SUFU: variants seen among roughly 807,000 people sequenced by gnomAD.
SUFU encodes SUFU negative regulator of hedgehog signaling, also known as suppressor of fused homolog.
A neutral mutation model predicts 58.9 loss-of-function variants in SUFU; 7 were observed. That is an observed-to-expected ratio of 0.12 (90% CI 0.07 to 0.22). The LOEUF is 0.22. Among genes scored for constraint, SUFU ranks in the 10% least tolerant of loss-of-function variants. The pLI is 1.00. For missense variants in SUFU, 451 were observed against 641.3 expected (o/e 0.70, Z 3.20); for synonymous variants, 232 against 254.8 (o/e 0.91, Z 0.85).
At chr10:102,513,232 T>A (rs1428065764) in intron 2 of SUFU, among the ~76,000 whole-genome samples, 1 of 152,210 alleles carries the variant, frequency 6.6e-6, no homozygotes. Context: ...AATGACTTAA[T>A]GAATCCTCAT....
At chr10:102,626,717 T>C (rs1466570897) in intron 10 of SUFU, among the ~76,000 whole-genome samples, 2 of 152,206 alleles carry the variant, frequency 1.3e-5, no homozygotes, top group African/African-American at 2.4e-5. Context: ...CAGATAGGGC[T>C]TGTATTCCAA....
intron 2 of SUFU, among the ~76,000 whole-genome samples, chr10:102,527,072 A>G (rs1055180139): frequency 7.4e-6 from 1 of 135,460 alleles, no homozygotes; most frequent in African/African-American, 2.8e-5. Context: ...GTGCGATCTC[A>G]GCTCACTGCA....
rs10748822 is a variant in SUFU, at chr10:102,509,043, G to C, written c.183-126G>C. 1,348,081 of 1,349,584 alleles carry C rather than the reference G, an allele frequency of 1. 673,299 individuals carry two copies. Among genetic ancestry groups the C allele is most frequent in the Non-Finnish European group, 1 (948,280 of 948,548 alleles). 83.6% of individuals were successfully genotyped at this position (1,349,584 alleles called of 1,614,324 possible). Reference sequence around the variant, plus strand: ...CTCATTCTGGAGAGATGTGGCCTCTGTTTAGTTACCTTTCACCCAGGTTCC... The same window carrying C: ...CTCATTCTGGAGAGATGTGGCCTCTCTTTAGTTACCTTTCACCCAGGTTCC... On this transcript the variant is annotated intron_variant, in intron 1 of 11. Transcript: ENST00000369902.
intron 2 of SUFU, among the ~76,000 whole-genome samples, chr10:102,543,332 C>T (rs1174528449): frequency 1.1e-4 from 17 of 152,034 alleles, no homozygotes; most frequent in Non-Finnish European, 8.8e-5. Context: ...TTGTCTTATG[C>T]TTAAGGGATA....
intron 3 of SUFU, among the ~76,000 whole-genome samples, chr10:102,551,874 G>A (rs541366431): frequency 4.0e-5 from 6 of 149,592 alleles, no homozygotes; most frequent in South Asian, 2.2e-4. Context: ...ACAGGTGCCC[G>A]CCACCACGCC....
chr10:102,632,590 G>A lies in SUFU; in HGVS notation c.*2435G>A, dbSNP rs1324910765. The A allele has an allele frequency of 4.3e-6, 1 of 233,268 alleles. No individual in the cohort carries two copies. Among genetic ancestry groups the A allele is most frequent in the Non-Finnish European group, 8.5e-6 (1 of 118,132 alleles). The allele number at this position is 233,268 out of a possible 1,614,324, so 14.4% of individuals were successfully genotyped here. ...CTGACCTTGGACCCTGTCCAGCACA[G>A]CTTCTGGCACAGGATGCTTGGTGAA... On this transcript the variant is annotated 3_prime_UTR_variant, in exon 12 of 12. Coordinates refer to ENST00000369902, the MANE Select transcript of SUFU (RefSeq NM_016169.4).
intron 3 of SUFU, among the ~76,000 whole-genome samples, chr10:102,587,952 G>A (rs571043131): frequency 1.3e-5 from 2 of 152,326 alleles, no homozygotes; most frequent in East Asian, 3.9e-4. Context: ...ATTACAGTTA[G>A]GTCTGTGATC....
rs1313595676 is a variant in SUFU, at chr10:102,617,352, C to A, written c.1220C>A (p.Thr407Lys). The change falls in exon 10 of 12, where the codon ACG (threonine) becomes AAG (lysine). Residue 407 changes from threonine to lysine, a missense_variant. By Grantham distance (78) the Thr-to-Lys change is moderately conservative. Coordinates refer to ENST00000369902, the MANE Select transcript of SUFU (RefSeq NM_016169.4). This position sits in a 1 kb window ranked among gnomAD's most constrained non-coding sequence, Gnocchi z 4.4. ...YKSITGDMAI[T>K]FVSTGVEGAF... ...AGTATCACAGGTGACATGGCCATCA[C>A]GTTTGTCTCCACGGGAGTGGAAGGC... 1 of 1,614,220 alleles carries A rather than the reference C, an allele frequency of 6.2e-7. No homozygotes were observed. The highest frequency in any genetic ancestry group is 8.5e-7 in the Non-Finnish European group (1 of 1,180,042).
chr10:102,590,282 C>T (rs896307165), intron 3 of SUFU, among the ~76,000 whole-genome samples: 2 of 149,368 alleles, frequency 1.3e-5, no homozygotes, highest in African/African-American at 4.9e-5. Flanking sequence ...TCTCCTGCCT[C>T]AGCCTCCCGA....
In SUFU at chr10:102,537,003, G is replaced by A. The variant is rs533728230; in HGVS notation, c.318-12967G>A. Among the ~76,000 whole-genome samples, 4 of 152,078 alleles carry A rather than the reference G, an allele frequency of 2.6e-5. No individual in the cohort carries two copies. The South Asian group carries it at 8.3e-4, about 32-fold the overall frequency. ...TTTTTGTATTTTTAGCAGAGAGAGGGTTTCACTGTGTTGGCCAGGCTGGTC... is the reference window on the plus strand; with the variant it reads ...TTTTTGTATTTTTAGCAGAGAGAGGATTTCACTGTGTTGGCCAGGCTGGTC... On this transcript the variant is annotated intron_variant, in intron 2 of 11. Coordinates refer to ENST00000369902, the MANE Select transcript of SUFU (RefSeq NM_016169.4).
At chr10:102,527,188 G>A (rs1386603650) in intron 2 of SUFU, among the ~76,000 whole-genome samples, 1 of 151,808 alleles carries the variant, frequency 6.6e-6, no homozygotes, top group Non-Finnish European at 1.5e-5. Context: ...ATTTTTAGTA[G>A]AGACAGGGTT....
chr10:102,624,823 G>A (rs1039515901), intron 10 of SUFU, among the ~76,000 whole-genome samples: 1 of 152,144 alleles, frequency 6.6e-6, no homozygotes, highest in Admixed American at 6.5e-5. Flanking sequence ...GTCTCACTGG[G>A]TGGCCACAGC....
intron 2 of SUFU, among the ~76,000 whole-genome samples, chr10:102,536,856 G>A (rs2062745617): frequency 6.6e-6 from 1 of 151,970 alleles, no homozygotes; most frequent in Non-Finnish European, 1.5e-5. Flanking sequence ...TGTTGCCCAG[G>A]CTAGAGTGCA....
intron 1 of SUFU, among the ~76,000 whole-genome samples, chr10:102,506,515 A>G (rs1396126734): frequency 1.3e-5 from 2 of 152,150 alleles, no homozygotes; most frequent in Admixed American, 1.3e-4. Flanking sequence ...AGTAGCTGAT[A>G]TTACAGGCAC....
intron 3 of SUFU, among the ~76,000 whole-genome samples, chr10:102,568,266 C>T (rs1474660285): frequency 1.3e-5 from 2 of 150,752 alleles, no homozygotes; most frequent in South Asian, 2.1e-4. Context: ...GTCTTAAAGA[C>T]TGCATATCAG....
intron 3 of SUFU, among the ~76,000 whole-genome samples, chr10:102,578,168 C>CGTGGTGGT (rs1297510332): frequency 6.9e-6 from 1 of 144,594 alleles, no homozygotes; most frequent in Non-Finnish European, 1.5e-5. Context: ...ATTAGCTGGG[C>CGTGGTGGT]GTGGTGGTGG....
chr10:102,587,075 T>C (rs955104227), intron 3 of SUFU, among the ~76,000 whole-genome samples: 1 of 152,256 alleles, frequency 6.6e-6, no homozygotes, highest in African/African-American at 2.4e-5. Flanking sequence ...TGTGTGTAAA[T>C]ACTACATTTT....
At chr10:102,538,811 T>C (rs1203346137) in intron 2 of SUFU, among the ~76,000 whole-genome samples, 1 of 152,170 alleles carries the variant, frequency 6.6e-6, no homozygotes, top group Non-Finnish European at 1.5e-5. Context: ...ACTCTTCTTA[T>C]CTACATTTTA....
At chr10:102,518,969 C>T (rs556375951) in intron 2 of SUFU, among the ~76,000 whole-genome samples, 7 of 151,212 alleles carry the variant, frequency 4.6e-5, no homozygotes, top group African/African-American at 1.5e-4. Context: ...GAAACCCCGT[C>T]TCTACTAAAA....
Sources: allele counts gnomAD v4.1 joint callset (sites outside exome capture counted in the v4.1 genomes callset), GRCh38; gene constraint gnomAD v4.1.1; non-coding constraint Gnocchi (gnomAD v3.1); transcripts MANE v1.5; gene names NCBI Gene and HGNC (gene_info 2026-07-23, HGNC 2026-07-21).